RORA: variants seen among roughly 807,000 people sequenced by gnomAD.
RORA encodes the protein RAR related orphan receptor A.
Under a neutral mutation model 69.5 loss-of-function variants are expected in RORA, and 7 were observed. The ratio of observed to expected loss-of-function variants is 0.10; its 90% CI spans 0.06 to 0.19. RORA has a LOEUF of 0.19. Among genes scored for constraint, RORA ranks in the 10% least tolerant of loss-of-function variants. The probability of loss-of-function intolerance (pLI) is 1.00; values close to 1 mark genes in which losing one functional copy is unlikely to be tolerated. For synonymous variants in RORA, 261 were observed against 240.8 expected (o/e 1.08, Z -0.78); for missense variants, 457 against 663.0 (o/e 0.69, Z 3.41).
chr15:61,101,565 A>G (rs1465851088), intron 1 of RORA, among the ~76,000 whole-genome samples: 1 of 152,098 alleles, frequency 6.6e-6, no homozygotes, highest in Admixed American at 6.5e-5. Flanking sequence ...TCTCTCTAAA[A>G]TCGAATCTCC....
At chr15:60,810,002 T>G (rs76702781) in intron 1 of RORA, among the ~76,000 whole-genome samples, 4 of 152,264 alleles carry the variant, frequency 2.6e-5, no homozygotes, top group Admixed American at 2.6e-4. Flanking sequence ...GCTGTAAGGC[T>G]GTTGTGTTGT....
chr15:60,577,545 G>C (rs1284130756), intron 2 of RORA, among the ~76,000 whole-genome samples: 1 of 151,638 alleles, frequency 6.6e-6, no homozygotes, highest in Non-Finnish European at 1.5e-5. Flanking sequence ...TCGGGAGGCT[G>C]AGGCAGGAGA....
At chr15:60,733,861 C>T (rs1248769435) in intron 1 of RORA, among the ~76,000 whole-genome samples, 1 of 142,034 alleles carries the variant, frequency 7.0e-6, no homozygotes, top group African/African-American at 2.7e-5. Flanking sequence ...GTTGAGTTGC[C>T]CAACTTATGT....
chr15:60,703,272 A>T (rs1328672643), intron 1 of RORA, among the ~76,000 whole-genome samples: 1 of 152,192 alleles, frequency 6.6e-6, no homozygotes, highest in African/African-American at 2.4e-5. Context: ...TCGCAGGGTT[A>T]AGGGCTTTAC....
chr15:60,901,896 T>C (rs966848041), intron 1 of RORA, among the ~76,000 whole-genome samples: 3 of 152,198 alleles, frequency 2.0e-5, no homozygotes, highest in African/African-American at 7.2e-5. Flanking sequence ...GAGCTAGTAG[T>C]TCACACGGTG....
intron 1 of RORA, among the ~76,000 whole-genome samples, chr15:61,175,215 A>G (rs1166437580): frequency 6.6e-6 from 1 of 152,204 alleles, no homozygotes; most frequent in African/African-American, 2.4e-5. Flanking sequence ...CAGCACTTCA[A>G]GATGCCACGA....
chr15:60,851,519 A>G (rs2073324400), intron 1 of RORA, among the ~76,000 whole-genome samples: 1 of 152,138 alleles, frequency 6.6e-6, no homozygotes, highest in Non-Finnish European at 1.5e-5. Context: ...TCCAAATCAT[A>G]CCACTCAAAG....
intron 1 of RORA, among the ~76,000 whole-genome samples, chr15:60,990,521 T>C (rs537155245): frequency 1.2e-4 from 19 of 152,326 alleles, no homozygotes; most frequent in African/African-American, 4.3e-4. Context: ...GGGTAAGAAA[T>C]GGCTGATCAA....
intron 1 of RORA, among the ~76,000 whole-genome samples, chr15:60,985,545 G>A (rs975922941): frequency 1.4e-5 from 2 of 146,458 alleles, no homozygotes; most frequent in East Asian, 2.0e-4. Context: ...TCTCACATAC[G>A]AAAAATTAAT....
At chr15:61,077,544 G>A (rs2078471110) in intron 1 of RORA, among the ~76,000 whole-genome samples, 2 of 152,120 alleles carry the variant, frequency 1.3e-5, no homozygotes, top group African/African-American at 4.8e-5. Context: ...ATGACCCTCT[G>A]TCTAGGTGGC....
intron 1 of RORA, among the ~76,000 whole-genome samples, chr15:61,126,186 G>A (rs1304895456): frequency 6.6e-6 from 1 of 152,048 alleles, no homozygotes; most frequent in African/African-American, 2.4e-5. Context: ...ATCATCAAAG[G>A]CTCTCAGATG....
chr15:60,938,715 G>A (rs6494235), intron 1 of RORA, among the ~76,000 whole-genome samples: 148,278 of 152,232 alleles, frequency 0.97, 72,345 homozygotes, highest in East Asian at 1. Flanking sequence ...AGCCTAGTCA[G>A]CACAGTGAGA....
intron 1 of RORA, among the ~76,000 whole-genome samples, chr15:60,875,657 A>G (rs2073605256): frequency 1.3e-5 from 2 of 152,212 alleles, no homozygotes; most frequent in Non-Finnish European, 2.9e-5. Flanking sequence ...AGTTAACCAA[A>G]TCTTTCTGTT....
At chr15:60,538,626 T>C (rs2141485349) in intron 2 of RORA, among the ~76,000 whole-genome samples, 1 of 152,294 alleles carries the variant, frequency 6.6e-6, no homozygotes, top group East Asian at 1.9e-4. Flanking sequence ...GGTCCAGATG[T>C]TACTATCTTA....
At chr15:60,726,192 T>A (rs1005709554) in intron 1 of RORA, among the ~76,000 whole-genome samples, 2 of 152,160 alleles carry the variant, frequency 1.3e-5, no homozygotes, top group Admixed American at 6.5e-5. Flanking sequence ...TTCCCCTATA[T>A]TGCTTTCAGA....
intron 1 of RORA, among the ~76,000 whole-genome samples, chr15:60,787,794 G>A (rs988358028): frequency 6.6e-6 from 1 of 152,220 alleles, no homozygotes; most frequent in Non-Finnish European, 1.5e-5. Context: ...TGTGGGAAGA[G>A]CCTAGGAAAC....
chr15:61,149,488 C>G (rs538123908), intron 1 of RORA, among the ~76,000 whole-genome samples: 14 of 152,252 alleles, frequency 9.2e-5, no homozygotes, highest in South Asian at 4.1e-4. Flanking sequence ...CTCTCTAAAT[C>G]ATTTCCTTCT....
rs2072404132 is a variant in RORA, at chr15:60,790,796, T to A, written c.167-112110A>T. Among the ~76,000 whole-genome samples the A allele has an allele frequency of 2.6e-5, 4 of 152,222 alleles. No homozygotes were observed. The South Asian group carries it at 8.3e-4, about 32-fold the overall frequency. Reference sequence around the variant, plus strand: ...CGCTCTTGTCCTGGTTATATATGGCTTCTCATGAAGAAAACTTCTGGCCTA... The same window carrying A: ...CGCTCTTGTCCTGGTTATATATGGCATCTCATGAAGAAAACTTCTGGCCTA... On this transcript the variant is annotated intron_variant, in intron 1 of 10. Coordinates refer to ENST00000335670, the MANE Select transcript of RORA (RefSeq NM_134261.3).
rs1055393929 is a variant in RORA at position 61,131,127 on chromosome 15, C to T, written c.166+97926G>A. Among the ~76,000 whole-genome samples the T allele has an allele frequency of 1.3e-5, 2 of 152,170 alleles. No individual in the cohort carries two copies. Among genetic ancestry groups the T allele is most frequent in the Admixed American group, 6.5e-5 (1 of 15,286 alleles). ...GTCACTCAAGAGTGGGAAGGATTAG[C>T]GTGCTATGGTTGGCCAACCAGGTCA... On this transcript the variant is annotated intron_variant, in intron 1 of 10. Transcript: ENST00000335670. The surrounding 1 kb of genome is among the most constrained non-coding windows in gnomAD (Gnocchi z 4.2).
Sources: allele counts gnomAD v4.1 joint callset (sites outside exome capture counted in the v4.1 genomes callset), GRCh38; gene constraint gnomAD v4.1.1; non-coding constraint Gnocchi (gnomAD v3.1); transcripts MANE v1.5; gene names NCBI Gene and HGNC (gene_info 2026-07-23, HGNC 2026-07-21).